The following EPB41L2 variants were observed in gnomAD, a reference collection of about 807,000 sequenced individuals.
The protein encoded by EPB41L2 is erythrocyte membrane protein band 4.1 like 2.
A neutral mutation model predicts 113.0 loss-of-function variants in EPB41L2; 43 were observed. That is an observed-to-expected ratio of 0.38 (90% CI 0.30 to 0.49). The LOEUF (loss-of-function observed/expected upper bound fraction) is 0.49. Ranked by LOEUF, EPB41L2 falls within the 20% of genes least tolerant of loss-of-function variation. The pLI, the probability that EPB41L2 is intolerant of heterozygous loss-of-function variation, is 0.95. For synonymous variants in EPB41L2, 442 were observed against 436.7 expected (o/e 1.01, Z -0.15); for missense variants, 1,147 against 1,223.4 (o/e 0.94, Z 0.93).
chr6:130,867,577 G>A lies in EPB41L2; in HGVS notation c.2612C>T (p.Pro871Leu). 6.2e-7 allele frequency: 1 copy of A among 1,613,752 alleles called. No homozygotes were observed. Among genetic ancestry groups the A allele is most frequent in the Non-Finnish European group, 8.5e-7 (1 of 1,179,806 alleles). Residue 871 changes from proline (P) to leucine (L), a missense_variant, in exon 16 of 20, where the codon CCA (proline) becomes CTA (leucine). Physicochemically the swap from Pro to Leu is moderately conservative, Grantham distance 98. Coordinates refer to ENST00000337057, the MANE Select transcript of EPB41L2 (RefSeq NM_001431.4). Reference protein sequence around the residue: ...LPQIICCSEPPVVKTEMVTIS... With the variant: ...LPQIICCSEPLVVKTEMVTIS... Reference sequence around the variant, plus strand: ...TGTTACCATCTCTGTTTTTACCACTGGTGGCTGAGGTGGAAAAGGAAGGGA... The same window carrying A: ...TGTTACCATCTCTGTTTTTACCACTAGTGGCTGAGGTGGAAAAGGAAGGGA...
chr6:130,983,519 C>CT (rs56940825), intron 1 of EPB41L2, among the ~76,000 whole-genome samples: 10,396 of 137,286 alleles, frequency 0.076, 776 homozygotes, highest in African/African-American at 0.19. Flanking sequence ...CTACTATAGA[C>CT]TTTTTTTTTT....
At chr6:130,921,938 G>GAATATGAATAT (rs1318556480) in intron 4 of EPB41L2, among the ~76,000 whole-genome samples, 1 of 152,162 alleles carries the variant, frequency 6.6e-6, no homozygotes, top group Non-Finnish European at 1.5e-5. Flanking sequence ...TATCCCTGCT[G>GAATATGAATAT]GAAGCACAGC....
intron 3 of EPB41L2, among the ~76,000 whole-genome samples, chr6:130,939,347 G>A (rs544406305): frequency 3.3e-5 from 5 of 151,602 alleles, no homozygotes; most frequent in Non-Finnish European, 7.4e-5. Flanking sequence ...TCCGCCTGTC[G>A]GGTTCAAGCA....
In EPB41L2 at chr6:130,994,634, A is replaced by G. The variant is rs566349512; in HGVS notation, c.-14-38135T>C. 1.0e-3 allele frequency among the ~76,000 whole-genome samples: 152 copies of G among 152,322 alleles called. 5 individuals carry two copies. The South Asian group carries it at 0.03, about 30-fold the overall frequency. On this transcript the variant is annotated intron_variant, in intron 1 of 19. Transcript: ENST00000337057. ...AAGCTGAAGTATGACAGACAAGCAC[A>G]TATCTATGACTACACTCACTGAAAG... is the stretch of plus-strand genomic sequence containing the variant.
intron 19 of EPB41L2, among the ~76,000 whole-genome samples, chr6:130,848,597 G>A (rs1188257377): frequency 1.3e-5 from 2 of 152,090 alleles, no homozygotes; most frequent in African/African-American, 4.8e-5. Flanking sequence ...CCACAAGTGG[G>A]TATTGGCTAC....
chr6:130,970,900 T>C (rs975132475), intron 1 of EPB41L2, among the ~76,000 whole-genome samples: 1 of 152,054 alleles, frequency 6.6e-6, no homozygotes, highest in African/African-American at 2.4e-5. Context: ...TCTTACTTAT[T>C]TTCAGAGACA....
chr6:130,916,103 G>T (rs1178722082), intron 4 of EPB41L2, among the ~76,000 whole-genome samples: 1 of 152,146 alleles, frequency 6.6e-6, no homozygotes, highest in Non-Finnish European at 1.5e-5. Context: ...ACACTGTTCT[G>T]AGAAGCAGCC....
chr6:130,867,118 T>C (rs1469681413), intron 16 of EPB41L2, among the ~76,000 whole-genome samples: 1 of 152,190 alleles, frequency 6.6e-6, no homozygotes, highest in Non-Finnish European at 1.5e-5. Context: ...TTATATCAGA[T>C]AAACTTTGCA....
rs534683384 is a variant in EPB41L2 at position 130,876,586 on chromosome 6, C to T, written c.2043+1518G>A. ...TTCAAAAAAATTTTAGTATGACACA[C>T]AGGAAAAAAGAAATCTTATGGCTGT... On this transcript the variant is annotated intron_variant, in intron 14 of 19. Transcript: ENST00000337057. The T allele has an allele frequency of 1.7e-5, 14 of 800,132 alleles. No homozygotes were observed. In the East Asian group the frequency reaches 7.9e-4, roughly 45 times the overall value. The allele number at this position is 800,132 out of a possible 1,614,324, so 49.6% of individuals were successfully genotyped here.
At chr6:130,988,817 A>C (rs1428558176) in intron 1 of EPB41L2, among the ~76,000 whole-genome samples, 3 of 152,336 alleles carry the variant, frequency 2.0e-5, no homozygotes, top group East Asian at 3.9e-4. Context: ...GGCTGGGCAC[A>C]GTGACTCATG....
At chr6:131,010,035 C>T (rs927509631) in intron 1 of EPB41L2, among the ~76,000 whole-genome samples, 5 of 152,198 alleles carry the variant, frequency 3.3e-5, no homozygotes, top group South Asian at 2.1e-4. Flanking sequence ...GTGGGCCTTT[C>T]GCTGAAAGAA....
At chr6:130,954,909 G>A (rs555197427) in intron 3 of EPB41L2, among the ~76,000 whole-genome samples, 196 bp downstream of exon 3, 1 of 152,288 alleles carries the variant, frequency 6.6e-6, no homozygotes, top group East Asian at 1.9e-4. Flanking sequence ...GTGCAGACTG[G>A]CAGAATAGCA....
At chr6:131,058,693 T>C (rs565857827) in intron 1 of EPB41L2, among the ~76,000 whole-genome samples, 4 of 152,312 alleles carry the variant, frequency 2.6e-5, no homozygotes, top group Admixed American at 2.6e-4. Flanking sequence ...ACATACTTTA[T>C]AGAAAAAGCT....
At chr6:131,009,898 C>G (rs1347698062) in intron 1 of EPB41L2, among the ~76,000 whole-genome samples, 2 of 152,178 alleles carry the variant, frequency 1.3e-5, no homozygotes, top group Admixed American at 1.3e-4. Context: ...CACTGATGGG[C>G]CTAACAGTTT....
At chr6:130,958,385 G>C (rs939635948) in intron 1 of EPB41L2, among the ~76,000 whole-genome samples, 2 of 150,548 alleles carry the variant, frequency 1.3e-5, no homozygotes, top group African/African-American at 4.9e-5. Context: ...TCAGGAGGCA[G>C]AGGTTGCAGT....
chr6:130,941,820 G>A (rs1273176622), intron 3 of EPB41L2, among the ~76,000 whole-genome samples: 2 of 152,142 alleles, frequency 1.3e-5, no homozygotes, highest in Non-Finnish European at 2.9e-5. Context: ...AGACAGAATG[G>A]AGCTTGTGCC....
At chr6:130,941,117 A>G (rs552527315) in intron 3 of EPB41L2, among the ~76,000 whole-genome samples, 2 of 152,334 alleles carry the variant, frequency 1.3e-5, no homozygotes, top group African/African-American at 4.8e-5. Context: ...ATATATTTAA[A>G]TAAATACTAT....
intron 19 of EPB41L2, among the ~76,000 whole-genome samples, chr6:130,848,548 A>G (rs1777820449): frequency 6.6e-6 from 1 of 152,170 alleles, no homozygotes; most frequent in East Asian, 1.9e-4. Flanking sequence ...CTTACAACAT[A>G]TCTCAATTTG....
intron 11 of EPB41L2, among the ~76,000 whole-genome samples, chr6:130,886,393 C>T (rs1036863076): frequency 1.3e-5 from 2 of 152,112 alleles, no homozygotes; most frequent in Non-Finnish European, 2.9e-5. Flanking sequence ...GAACTGGGAA[C>T]GTGAACATCT....
Sources: gnomAD v4.1 joint callset for allele counts (sites outside exome capture counted in the v4.1 genomes callset) on GRCh38, gnomAD v4.1.1 for gene constraint, MANE v1.5 for transcripts, NCBI Gene and HGNC (gene_info 2026-07-23, HGNC 2026-07-21) for gene names.